JUP: variants seen among roughly 807,000 people sequenced by gnomAD.
JUP encodes catenin (cadherin-associated protein), gamma 80kDa.
A neutral mutation model predicts 71.1 loss-of-function variants in JUP; 28 were observed. The ratio of observed to expected loss-of-function variants is 0.39; its 90% CI spans 0.29 to 0.54. The LOEUF (loss-of-function observed/expected upper bound fraction) is 0.54. JUP is among the 20% of genes least tolerant of loss of function. JUP has a pLI of 0.62. For synonymous variants in JUP, 401 were observed against 438.9 expected, an observed-to-expected ratio of 0.91 and a Z score of 1.08; for missense variants, 869 against 1,030.1, an observed-to-expected ratio of 0.84 and a Z score of 2.14.
intron 5 of JUP, among the ~76,000 whole-genome samples, chr17:41,767,046 CA>C (rs57624378): frequency 0.048 from 3,640 of 75,612 alleles, 32 homozygotes; most frequent in Middle Eastern, 0.058. Context: ...GACCCTGTCT[CA>C]AAAAAAAAAA....
At position 41,755,014 on chromosome 17, in the gene JUP, T is replaced by G; in HGVS notation, c.*730A>C. On this transcript the variant is annotated 3_prime_UTR_variant, in exon 14 of 14. Coordinates refer to ENST00000393931, the MANE Select transcript of JUP (RefSeq NM_002230.4). ...GAACTTTTCAAGAGAAGTTTTGGAT[T>G]TTGGGGGTTTGGGTCTCGAACCTGG... 3 of 313,212 alleles carry G rather than the reference T, an allele frequency of 9.6e-6. No homozygotes were observed. The highest frequency in any genetic ancestry group is 5.0e-5 in the East Asian group (1 of 20,056). The allele number at this position is 313,212 out of a possible 1,614,324, so 19.4% of individuals were successfully genotyped here. A position where few individuals can be genotyped will look rare whatever the true frequency, so the allele number is the denominator to read the frequency against.
chr17:41,777,259 G>A (rs554373520), intron 1 of JUP, among the ~76,000 whole-genome samples: 1 of 152,316 alleles, frequency 6.6e-6, no homozygotes, highest in South Asian at 2.1e-4. Flanking sequence ...GCTGCTTCCT[G>A]CAGCCAGGGG....
chr17:41,770,253 G>A (rs1916441674), intron 2 of JUP, among the ~76,000 whole-genome samples: 2 of 152,164 alleles, frequency 1.3e-5, no homozygotes, highest in South Asian at 4.1e-4. Context: ...GCAGATCAGA[G>A]GGAAAGTCAG....
In JUP at chr17:41,769,393, C is replaced by G. The variant is rs186904290; in HGVS notation, c.468+25G>C. The G allele has an allele frequency of 3.9e-5, 62 of 1,601,902 alleles. No individual in the cohort carries two copies. The African/African-American group carries it at 4.8e-4, about 12-fold the overall frequency. On this transcript the variant is annotated intron_variant, in intron 3 of 13. Transcript: ENST00000393931. ...CTCTCTCCCCTCCCTGCCCAGCCCC[C>G]ACCCTAGCAGGGACCCTCACAGACC... is the stretch of plus-strand genomic sequence containing the variant.
chr17:41,761,385 C>T (rs1406121991), intron 8 of JUP, among the ~76,000 whole-genome samples: 3 of 152,158 alleles, frequency 2.0e-5, no homozygotes, highest in South Asian at 2.1e-4. Flanking sequence ...CGCTAGCCAT[C>T]CCCAGTTCTC....
rs1916703730 is a variant in JUP at position 41,771,846 on chromosome 17, C to G, written c.9G>C (p.Val3=). 6.2e-7 allele frequency: 1 copy of G among 1,611,822 alleles called. No homozygotes were observed. The highest frequency in any genetic ancestry group is 1.3e-5 in the African/African-American group (1 of 74,870). Reference sequence around the variant, plus strand: ...TGATAGGCTGCTCCATCAGGTTCATCACCTCCATCGTGGCTACTGGGGGCA... The same window carrying G: ...TGATAGGCTGCTCCATCAGGTTCATGACCTCCATCGTGGCTACTGGGGGCA... ME[V]MNLMEQPIKV... Residue 3 remains valine, a synonymous_variant, in exon 2 of 14, where the codon GTG becomes GTC. Coordinates refer to ENST00000393931, the MANE Select transcript of JUP (RefSeq NM_002230.4).
At chr17:41,771,900 C>A (rs1555607213) in intron 1 of JUP, 38 bp from the exon 2 acceptor site, 1 of 1,531,052 alleles carries the variant, frequency 6.5e-7, no homozygotes, top group African/African-American at 1.4e-5. Flanking sequence ...AGCAGGAAGT[C>A]ACCTGGCCCA....
chr17:41,757,265 A>G (rs1206630635), intron 12 of JUP, 150 bp downstream of exon 12: 3 of 927,026 alleles, frequency 3.2e-6, no homozygotes, highest in East Asian at 5.2e-5. Context: ...TCAACCCACT[A>G]CTTCCATCTG....
chr17:41,756,174 C>T lies in JUP; in HGVS notation c.2086+1G>A, dbSNP rs113256998. On this transcript the variant is annotated splice_donor_variant, in intron 13 of 13. Transcript: ENST00000393931. LOFTEE classifies it high-confidence loss of function. The stretch of plus-strand genomic sequence containing the variant: ...TCCTGAAGAGCCCGGCACACACTTA[C>T]CATCTCCATAGGGCTCATTGATGGG... 1 of 1,613,728 alleles carries T rather than the reference C, an allele frequency of 6.2e-7. No homozygotes were observed. Among genetic ancestry groups the T allele is most frequent in the Non-Finnish European group, 8.5e-7 (1 of 1,179,824 alleles).
chr17:41,772,219 G>A (rs996875213), intron 1 of JUP: 94 of 384,134 alleles, frequency 2.4e-4, no homozygotes, highest in African/African-American at 1.8e-3. Flanking sequence ...AACTCTCCCA[G>A]GGGCAAGAGA....
chr17:41,769,928 CTTA>C (rs1303899851), intron 2 of JUP, among the ~76,000 whole-genome samples: 1 of 147,576 alleles, frequency 6.8e-6, no homozygotes, highest in Non-Finnish European at 1.5e-5. Flanking sequence ...TTTTTGCACA[CTTA>C]TTATGTGCCT....
intron 1 of JUP, among the ~76,000 whole-genome samples, chr17:41,781,466 G>A (rs2047163536): frequency 6.6e-6 from 1 of 152,248 alleles, no homozygotes. Context: ...TGGTCCATGA[G>A]CTTGCCCTTC....
At chr17:41,777,118 CCT>C (rs1200181442) in intron 1 of JUP, among the ~76,000 whole-genome samples, 1 of 152,200 alleles carries the variant, frequency 6.6e-6, no homozygotes, top group Non-Finnish European at 1.5e-5. Flanking sequence ...TTCTCTGACC[CCT>C]GAGATGGGGA....
rs562292523 is a variant in JUP at position 41,782,159 on chromosome 17, A to AG, written c.-9+4428dup. On this transcript the variant is annotated intron_variant, in intron 1 of 13. Coordinates refer to ENST00000393931, the MANE Select transcript of JUP (RefSeq NM_002230.4). ...AGGCCCATTCTGGTGTCAGATGTCC[A>AG]GTTGGCAGAGACACCAGAACCAGGC... Among the ~76,000 whole-genome samples, 256 of 152,310 alleles carry AG rather than the reference A, an allele frequency of 1.7e-3. 1 individual carries two copies. The highest frequency in any genetic ancestry group is 5.8e-3 in the African/African-American group (240 of 41,564).
In JUP at chr17:41,781,160, G is replaced by A. The variant is rs532962379; in HGVS notation, c.-9+5428C>T. ...CGTGCCACTGCACTCCAGCCTGGGC[G>A]ACAGAGTGAGTGAGACTCCGTCTCA... On this transcript the variant is annotated intron_variant, in intron 1 of 13. Transcript: ENST00000393931. Among the ~76,000 whole-genome samples, 38 of 143,378 alleles carry A rather than the reference G, an allele frequency of 2.7e-4. No homozygotes were observed. The East Asian group carries it at 7.2e-3, about 27-fold the overall frequency. 94.1% of individuals were successfully genotyped at this position (143,378 alleles called of 152,430 possible).
chr17:41,764,983 T>C lies in JUP; in HGVS notation c.994A>G (p.Ser332Gly). The C allele has an allele frequency of 6.2e-7, 1 of 1,614,170 alleles. No homozygotes were observed. The highest frequency in any genetic ancestry group is 2.2e-5 in the East Asian group (1 of 44,878). Residue 332 changes from serine to glycine, a missense_variant, in exon 6 of 14, where the codon AGT becomes GGT. Physicochemically the swap from Ser to Gly is moderately conservative, Grantham distance 56 (BLOSUM62 0). Coordinates refer to ENST00000393931, the MANE Select transcript of JUP (RefSeq NM_002230.4). The part of the protein sequence containing the change: ...YSYEKLLWTT[S>G]RVLKVLSVCP... ...ACGGATAGCACCTTGAGCACACGAC[T>C]GGTGGTCCAGAGCAGCTTTTCATAA... is the stretch of plus-strand genomic sequence containing the variant.
intron 8 of JUP, among the ~76,000 whole-genome samples, chr17:41,762,367 G>A (rs1241101816): frequency 6.6e-6 from 1 of 151,502 alleles, no homozygotes; most frequent in Non-Finnish European, 1.5e-5. Context: ...AACTACAGAT[G>A]TGAGCCACTG....
chr17:41,758,888 A>G lies in JUP; in HGVS notation c.1498-18T>C. On this transcript the variant is annotated intron_variant, in intron 8 of 13. Transcript: ENST00000393931. ...ATGGTTGCCTGGCAAAAAAAGGGGC[A>G]GTGATCAGGGGCACTTCTTGGACAT... The G allele has an allele frequency of 6.2e-7, 1 of 1,603,188 alleles. No individual in the cohort carries two copies. The highest frequency in any genetic ancestry group is 8.5e-7 in the Non-Finnish European group (1 of 1,173,394).
At chr17:41,781,433 C>T (rs1443808824) in intron 1 of JUP, among the ~76,000 whole-genome samples, 2 of 152,160 alleles carry the variant, frequency 1.3e-5, no homozygotes, top group African/African-American at 4.8e-5. Flanking sequence ...GGCCAAGATG[C>T]CAGGAGGCTG....
Sources: gnomAD v4.1 joint callset for allele counts (sites outside exome capture counted in the v4.1 genomes callset) on GRCh38, gnomAD v4.1.1 for gene constraint, MANE v1.5 for transcripts, NCBI Gene and HGNC (gene_info 2026-07-23, HGNC 2026-07-21) for gene names.